The following DNER variants were observed in gnomAD, a reference collection of about 807,000 sequenced individuals.
DNER encodes delta and Notch-like epidermal growth factor-related receptor.
A neutral mutation model predicts 78.2 loss-of-function variants in DNER; 33 were observed. The observed-to-expected ratio is 0.42, with a 90% confidence interval of 0.32 to 0.56. The LOEUF (loss-of-function observed/expected upper bound fraction) is 0.56, where lower values mean the gene tolerates loss of function less well. Among genes scored for constraint, DNER ranks in the 20% least tolerant of loss-of-function variants. The pLI is 0.11. For missense variants in DNER, 918 were observed against 975.3 expected, an observed-to-expected ratio of 0.94 and a Z score of 0.78; for synonymous variants, 417 against 384.8, an observed-to-expected ratio of 1.08 and a Z score of -0.98.
chr2:229,362,092 C>T (rs1023844623), intron 12 of DNER, among the ~76,000 whole-genome samples: 1 of 152,178 alleles, frequency 6.6e-6, no homozygotes, highest in Admixed American at 6.5e-5. Flanking sequence ...GAAAAAATAG[C>T]TCAAATACCC....
In DNER at chr2:229,438,526, G is replaced by A. The variant is rs1232598437; in HGVS notation, c.1486+8790C>T. On this transcript the variant is annotated intron_variant, in intron 8 of 12. Transcript: ENST00000341772. ...AAGAATAGGAATACTCCAACGGGGG[G>A]CAAGTAAGAGAAAATAAGTGTCAGG... 3.3e-5 allele frequency among the ~76,000 whole-genome samples: 5 copies of A among 152,262 alleles called. No homozygotes were observed. In the East Asian group the frequency reaches 5.8e-4, roughly 18 times the overall value.
chr2:229,609,194 G>A (rs1697999499), intron 1 of DNER, among the ~76,000 whole-genome samples: 1 of 152,172 alleles, frequency 6.6e-6, no homozygotes, highest in Non-Finnish European at 1.5e-5. Context: ...CTGCACTCCA[G>A]CTTGGGCAAC....
chr2:229,534,722 T>C (rs1262684735), intron 5 of DNER, among the ~76,000 whole-genome samples: 1 of 152,240 alleles, frequency 6.6e-6, no homozygotes, highest in East Asian at 1.9e-4. Context: ...ACAATGCCAG[T>C]CTTCTATATT....
chr2:229,516,415 C>A (rs1374599761), intron 5 of DNER, among the ~76,000 whole-genome samples: 1 of 152,142 alleles, frequency 6.6e-6, no homozygotes, highest in Non-Finnish European at 1.5e-5. Context: ...CCAATTAACT[C>A]CACCAGCATA....
chr2:229,477,248 T>C lies in DNER; in HGVS notation c.1153A>G (p.Thr385Ala), dbSNP rs766255027. The change falls in exon 7 of 13, where the codon ACT becomes GCT. Residue 385 changes from threonine (T) to alanine (A), a missense_variant. Coordinates refer to ENST00000341772, the MANE Select transcript of DNER (RefSeq NM_139072.4). ...ATCTTGGACTGGCAAAGCTCTCCAG[T>C]ATAACCTGAATAAAACAAAATGTAC... is the stretch of plus-strand genomic sequence containing the variant. ...NFTCVCLPGY[T>A]GELCQSKIDY... 4 of 1,609,172 alleles carry C rather than the reference T, an allele frequency of 2.5e-6. No homozygotes were observed. Among genetic ancestry groups the C allele is most frequent in the Admixed American group, 1.7e-5 (1 of 59,422 alleles).
At chr2:229,407,744 T>G (rs1217604036) in intron 9 of DNER, among the ~76,000 whole-genome samples, 1 of 152,230 alleles carries the variant, frequency 6.6e-6, no homozygotes, top group Non-Finnish European at 1.5e-5. Context: ...AGTGAAGATT[T>G]GGAATCAGAT....
At chr2:229,502,980 G>C (rs541139191) in intron 6 of DNER, among the ~76,000 whole-genome samples, 1 of 152,318 alleles carries the variant, frequency 6.6e-6, no homozygotes, top group African/African-American at 2.4e-5. Flanking sequence ...CCAAGGTAGA[G>C]AGTGCACTGG....
chr2:229,588,610 G>A (rs1054089276), intron 2 of DNER, 122 bp from the exon 3 acceptor site: 1 of 729,136 alleles, frequency 1.4e-6, no homozygotes, highest in African/African-American at 1.8e-5. Flanking sequence ...GGTAGGGCTA[G>A]AGAGGAGATG....
chr2:229,421,961 G>T (rs1388534892), intron 8 of DNER, among the ~76,000 whole-genome samples: 1 of 152,016 alleles, frequency 6.6e-6, no homozygotes, highest in Non-Finnish European at 1.5e-5. Flanking sequence ...TTCCATTTTT[G>T]AAAACAGTAT....
At chr2:229,413,321 CTTTTTTTTT>C (rs398061160) in intron 9 of DNER, among the ~76,000 whole-genome samples, 2 of 67,774 alleles carry the variant, frequency 3.0e-5, no homozygotes, top group African/African-American at 9.8e-5. Flanking sequence ...TTTTCTTCTT[CTTTTTTTTT>C]TTTTTTTTTT....
At chr2:229,409,782 A>C (rs192328316) in intron 9 of DNER, among the ~76,000 whole-genome samples, 305 of 152,308 alleles carry the variant, frequency 2.0e-3, no homozygotes, top group Middle Eastern at 0.01. Flanking sequence ...AAACCTGATT[A>C]CGGACAAGCA....
intron 1 of DNER, among the ~76,000 whole-genome samples, chr2:229,620,162 A>G (rs1051799497): frequency 2.0e-5 from 3 of 152,150 alleles, no homozygotes; most frequent in Non-Finnish European, 4.4e-5. Flanking sequence ...GAAGAACGGG[A>G]TCACCCTCCC....
intron 4 of DNER, among the ~76,000 whole-genome samples, chr2:229,571,042 G>A (rs1296096056): frequency 6.6e-6 from 1 of 152,148 alleles, no homozygotes; most frequent in African/African-American, 2.4e-5. Flanking sequence ...AGTTGTAGGG[G>A]CCTGGGGTGA....
chr2:229,543,848 G>A (rs193276041), intron 5 of DNER, among the ~76,000 whole-genome samples: 2 of 152,276 alleles, frequency 1.3e-5, no homozygotes, highest in East Asian at 3.9e-4. Context: ...ACAAAACTGA[G>A]TATTGATGCC....
At chr2:229,539,140 C>T (rs950149107) in intron 5 of DNER, among the ~76,000 whole-genome samples, 5 of 152,182 alleles carry the variant, frequency 3.3e-5, no homozygotes, top group African/African-American at 1.2e-4. Flanking sequence ...TGGGCTCCCT[C>T]GACTCCTCTC....
At chr2:229,519,672 C>T (rs572030667) in intron 5 of DNER, among the ~76,000 whole-genome samples, 62 of 152,298 alleles carry the variant, frequency 4.1e-4, no homozygotes, top group Middle Eastern at 6.8e-3. Context: ...ATACAGTCCC[C>T]TCATTACTGT....
intron 4 of DNER, 95 bp from the exon 5 acceptor site, chr2:229,547,187 G>A (rs1696644877): frequency 2.0e-6 from 3 of 1,509,916 alleles, no homozygotes; most frequent in Non-Finnish European, 8.9e-7. Flanking sequence ...ACAAGACTAT[G>A]AATTTAGTGT....
At chr2:229,449,942 T>C (rs4973204) in intron 7 of DNER, among the ~76,000 whole-genome samples, 152,244 of 152,250 alleles carry the variant, frequency 1, 76,119 homozygotes, top group Middle Eastern at 1. Flanking sequence ...CCACCACGCC[T>C]GGCTAATTTT....
chr2:229,663,460 C>T (rs745781670), intron 1 of DNER, among the ~76,000 whole-genome samples: 17 of 152,176 alleles, frequency 1.1e-4, no homozygotes, highest in Admixed American at 2.6e-4. Flanking sequence ...ATTTCCGTGT[C>T]GCATTTCTGG....
Sources: allele counts gnomAD v4.1 joint callset (sites outside exome capture counted in the v4.1 genomes callset), GRCh38; gene constraint gnomAD v4.1.1; transcripts MANE v1.5; gene names NCBI Gene and HGNC (gene_info 2026-07-23, HGNC 2026-07-21).